The following SH3RF3 variants were observed in gnomAD, a reference collection of about 807,000 sequenced individuals.
SH3RF3 encodes SH3 domain containing ring finger 3.
In SH3RF3, 29 loss-of-function variants were observed where a neutral mutation model predicts 66.3. That is an observed-to-expected ratio of 0.44 (90% CI 0.33 to 0.60). SH3RF3 has a LOEUF of 0.60. Among genes scored for constraint, SH3RF3 ranks in the 20% least tolerant of loss-of-function variants. The pLI is 0.04. For synonymous variants in SH3RF3, 583 were observed against 532.0 expected (o/e 1.10, Z -1.32); for missense variants, 1,194 against 1,190.9 (o/e 1.00, Z -0.04).
At position 109,129,230 on chromosome 2, in the gene SH3RF3, G is replaced by A; in HGVS notation, c.-311G>A. The stretch of plus-strand genomic sequence containing the variant: ...ACAGAACCCGTTGAGCTTCGTGCCC[G>A]GCAGCACCCCCGGTCCCCCGCGCGG... On this transcript the variant is annotated 5_prime_UTR_variant, in exon 1 of 10. Transcript: ENST00000309415. 3.6e-6 allele frequency: 2 copies of A among 554,152 alleles called. No individual in the cohort carries two copies. The highest frequency in any genetic ancestry group is 2.8e-5 in the Admixed American group (1 of 35,590). 34.3% of individuals were successfully genotyped at this position (554,152 alleles called of 1,614,324 possible).
In SH3RF3 at chr2:109,129,633, G is replaced by T. The variant is rs560930701; in HGVS notation, c.93G>T (p.Arg31=). ...EGDEDRPGER[R]RRRAAATAAG... ...ACGAGGACAGGCCAGGCGAGCGACG[G>T]CGGCGTCGGGCGGCGGCCACCGCCG... is the stretch of plus-strand genomic sequence containing the variant. The change falls in exon 1 of 10, where the codon CGG becomes CGT. Residue 31 remains arginine (R), a synonymous_variant. Transcript: ENST00000309415. 1.1e-3 allele frequency: 1,629 copies of T among 1,493,634 alleles called. 4 individuals are homozygous for T. Among genetic ancestry groups the T allele is most frequent in the South Asian group, 1.5e-3 (114 of 78,310 alleles). 92.5% of individuals were successfully genotyped at this position (1,493,634 alleles called of 1,614,324 possible).
In SH3RF3 at chr2:109,436,950, G is replaced by A; in HGVS notation, c.1632G>A (p.Leu544=). 1 of 1,613,840 alleles carries A rather than the reference G, an allele frequency of 6.2e-7. No individual in the cohort carries two copies. Among genetic ancestry groups the A allele is most frequent in the Non-Finnish European group, 8.5e-7 (1 of 1,179,894 alleles). ...ATAATGTAGTCGGAGGGTCTCCACT[G>A]GCCAAAGGGATAACCACAACCATGC... is the stretch of plus-strand genomic sequence containing the variant. ...PRNNVVGGSP[L]AKGITTTMHP... Residue 544 remains leucine (L), a synonymous_variant, in exon 7 of 10, where the codon CTG becomes CTA. Coordinates refer to ENST00000309415, the MANE Select transcript of SH3RF3 (RefSeq NM_001099289.3).
chr2:109,488,600 C>A (rs189829662), intron 8 of SH3RF3, among the ~76,000 whole-genome samples: 19 of 152,314 alleles, frequency 1.2e-4, no homozygotes, highest in African/African-American at 4.3e-4. Flanking sequence ...CGACCCCTCA[C>A]GGTTTCTTCT....
In SH3RF3 at chr2:109,159,520, C is replaced by T. The variant is rs150865028; in HGVS notation, c.573+29407C>T. 3.8e-3 allele frequency among the ~76,000 whole-genome samples: 586 copies of T among 152,330 alleles called. 2 individuals are homozygous for T. Among genetic ancestry groups the T allele is most frequent in the Non-Finnish European group, 5.9e-3 (401 of 68,032 alleles). ...CCTTGTTAATGAGCTTTCCTTGTTG[C>T]TCACAGCTTATTGTCCATGTAGTGA... On this transcript the variant is annotated intron_variant, in intron 1 of 9. Coordinates refer to ENST00000309415, the MANE Select transcript of SH3RF3 (RefSeq NM_001099289.3).
At position 109,309,727 on chromosome 2, in the gene SH3RF3, A is replaced by T. The variant is rs1681682660; in HGVS notation, c.574-37947A>T. The stretch of plus-strand genomic sequence containing the variant: ...TAAAACAGACTTTAAACCAACAAAG[A>T]TCAAAAGAGACAAAGAAGGCCATTA... On this transcript the variant is annotated intron_variant, in intron 1 of 9. Transcript: ENST00000309415. 1.6e-5 allele frequency among the ~76,000 whole-genome samples: 2 copies of T among 127,656 alleles called. 1 individual carries two copies. Among genetic ancestry groups the T allele is most frequent in the African/African-American group, 7.7e-5 (2 of 25,940 alleles). 83.7% of individuals were successfully genotyped at this position (127,656 alleles called of 152,430 possible).
At chr2:109,362,564 A>G (rs1024443761) in intron 2 of SH3RF3, among the ~76,000 whole-genome samples, 2 of 152,106 alleles carry the variant, frequency 1.3e-5, no homozygotes, top group Admixed American at 6.5e-5. Context: ...TATTATGTGG[A>G]TGTCAGTTGT....
chr2:109,341,436 A>G (rs1682551438), intron 1 of SH3RF3, among the ~76,000 whole-genome samples: 1 of 152,230 alleles, frequency 6.6e-6, no homozygotes, highest in African/African-American at 2.4e-5. Context: ...AGATGACAGC[A>G]CATAAATGAT....
intron 1 of SH3RF3, among the ~76,000 whole-genome samples, chr2:109,312,303 C>T (rs1053686553): frequency 1.3e-5 from 2 of 152,142 alleles, no homozygotes; most frequent in Non-Finnish European, 2.9e-5. Context: ...GCTTCCCACT[C>T]GAGGTTGGCT....
chr2:109,399,348 A>G (rs1347803064), intron 4 of SH3RF3, among the ~76,000 whole-genome samples: 9 of 152,356 alleles, frequency 5.9e-5, no homozygotes, highest in Middle Eastern at 3.4e-3. Flanking sequence ...CAAGAGAAAG[A>G]AGGAGTCAGA....
At chr2:109,204,843 C>T (rs907366401) in intron 1 of SH3RF3, among the ~76,000 whole-genome samples, 1 of 152,048 alleles carries the variant, frequency 6.6e-6, no homozygotes, top group South Asian at 2.1e-4. Flanking sequence ...TTTTCTGTAG[C>T]GTGGAAGTGG....
chr2:109,258,371 C>T (rs189987568), intron 1 of SH3RF3, among the ~76,000 whole-genome samples: 25 of 152,260 alleles, frequency 1.6e-4, no homozygotes, highest in Admixed American at 1.6e-3. Flanking sequence ...GACCACAAAC[C>T]CTAGTGCAGC....
chr2:109,375,476 G>T (rs562838569), intron 3 of SH3RF3, among the ~76,000 whole-genome samples: 1 of 152,298 alleles, frequency 6.6e-6, no homozygotes, highest in African/African-American at 2.4e-5. Flanking sequence ...TCACCCTCTG[G>T]AACTCTAGTC....
intron 2 of SH3RF3, among the ~76,000 whole-genome samples, chr2:109,363,812 A>G (rs1232886196): frequency 6.6e-6 from 1 of 152,182 alleles, no homozygotes; most frequent in African/African-American, 2.4e-5. Context: ...TTTCTTTTGA[A>G]AATTCAAATG....
chr2:109,280,083 G>C (rs1466272733), intron 1 of SH3RF3, among the ~76,000 whole-genome samples: 2 of 152,148 alleles, frequency 1.3e-5, no homozygotes, highest in Non-Finnish European at 2.9e-5. Flanking sequence ...CGATCCCAGA[G>C]ACAACAGAGT....
chr2:109,360,775 T>C (rs939810514), intron 2 of SH3RF3, among the ~76,000 whole-genome samples: 1 of 152,236 alleles, frequency 6.6e-6, no homozygotes, highest in Non-Finnish European at 1.5e-5. Flanking sequence ...AAAGGCAGTT[T>C]TATTTCTTCC....
chr2:109,348,426 G>A (rs1222621105), intron 2 of SH3RF3, among the ~76,000 whole-genome samples: 2 of 152,220 alleles, frequency 1.3e-5, no homozygotes, highest in Middle Eastern at 3.2e-3. Flanking sequence ...GTCCTCTAGG[G>A]CACCTGAGGC....
chr2:109,254,157 A>G (rs1408478694), intron 1 of SH3RF3, among the ~76,000 whole-genome samples: 1 of 152,164 alleles, frequency 6.6e-6, no homozygotes, highest in East Asian at 1.9e-4. Context: ...CTTAGAGGAA[A>G]ACATGAAGAA....
chr2:109,459,360 C>A (rs1024653942), intron 8 of SH3RF3, among the ~76,000 whole-genome samples: 1 of 152,166 alleles, frequency 6.6e-6, no homozygotes, highest in African/African-American at 2.4e-5. Context: ...ACTATCCAAT[C>A]TGTATTCCCC....
chr2:109,147,230 C>T lies in SH3RF3; in HGVS notation c.573+17117C>T, dbSNP rs148613548. Among the ~76,000 whole-genome samples the T allele has an allele frequency of 5.3e-5, 8 of 152,214 alleles. No individual in the cohort carries two copies. In the East Asian group the frequency reaches 7.7e-4, roughly 15 times the overall value. On this transcript the variant is annotated intron_variant, in intron 1 of 9. Transcript: ENST00000309415. ...GGACTTTCTTGGAATTACAGCTGTC[C>T]GCTGCTGCTGAGAGGTTTGCTCGAA...
Sources: allele counts gnomAD v4.1 joint callset (sites outside exome capture counted in the v4.1 genomes callset), GRCh38; gene constraint gnomAD v4.1.1; transcripts MANE v1.5; gene names NCBI Gene and HGNC (gene_info 2026-07-23, HGNC 2026-07-21).